Variants in GTF2A1 observed in about 807,000 individuals in gnomAD.
GTF2A1 encodes general transcription factor IIA subunit 1.
A neutral mutation model predicts 54.1 loss-of-function variants in GTF2A1; 12 were observed. The observed-to-expected ratio is 0.22, with a 90% CI of 0.14 to 0.36. The LOEUF (loss-of-function observed/expected upper bound fraction) is 0.36, where lower values mean the gene tolerates loss of function less well. GTF2A1 is among the 10% of genes least tolerant of loss of function. The pLI, the probability that GTF2A1 is intolerant of heterozygous loss-of-function variation, is 1.00. For missense variants in GTF2A1, 335 were observed against 442.2 expected (o/e 0.76, Z 2.17); for synonymous variants, 145 against 152.0 (o/e 0.95, Z 0.34).
intron 2 of GTF2A1, among the ~76,000 whole-genome samples, chr14:81,204,839 G>C (rs935066868): frequency 1.3e-5 from 2 of 152,174 alleles, no homozygotes; most frequent in African/African-American, 4.8e-5. Flanking sequence ...GAAAACATGT[G>C]CAACGATTTC....
chr14:81,199,581 G>A (rs1595219073), intron 4 of GTF2A1, among the ~76,000 whole-genome samples: 1 of 151,980 alleles, frequency 6.6e-6, no homozygotes, highest in Non-Finnish European at 1.5e-5. Flanking sequence ...CACTTTTATT[G>A]GTACAGAGCC....
At chr14:81,196,908 T>C (rs1893004952) in intron 5 of GTF2A1, among the ~76,000 whole-genome samples, 1 of 152,198 alleles carries the variant, frequency 6.6e-6, no homozygotes, top group South Asian at 2.1e-4. Context: ...AATAACTATA[T>C]AATCAAGATT....
At chr14:81,204,253 T>A in intron 2 of GTF2A1, 149 bp from the exon 3 acceptor site, 1 of 776,700 alleles carries the variant, frequency 1.3e-6, no homozygotes, top group Non-Finnish European at 2.3e-6. Context: ...CTAACCCAAG[T>A]GAAACAATAA....
chr14:81,214,444 G>A (rs1001195614), intron 2 of GTF2A1, among the ~76,000 whole-genome samples: 2 of 152,024 alleles, frequency 1.3e-5, no homozygotes, highest in African/African-American at 2.4e-5. Context: ...AGGAGATCGA[G>A]ACCATCCTGG....
At chr14:81,210,770 T>C (rs1337132019) in intron 2 of GTF2A1, among the ~76,000 whole-genome samples, 1 of 152,006 alleles carries the variant, frequency 6.6e-6, no homozygotes, top group Non-Finnish European at 1.5e-5. Flanking sequence ...GGCCAGGCTG[T>C]TCTCAAACTC....
chr14:81,208,187 C>A (rs571703395), intron 2 of GTF2A1, among the ~76,000 whole-genome samples: 5 of 152,238 alleles, frequency 3.3e-5, no homozygotes, highest in Non-Finnish European at 5.9e-5. Flanking sequence ...GTTTCAGGGG[C>A]CAGGCCCAGG....
Position 81,216,480 on chromosome 14 carries a change from A to G in GTF2A1, c.65T>C (p.Ile22Thr). 3 of 1,532,014 alleles carry G rather than the reference A, an allele frequency of 2.0e-6. No homozygotes were observed. Among genetic ancestry groups the G allele is most frequent in the Non-Finnish European group, 2.7e-6 (3 of 1,105,384 alleles). 94.9% of individuals were successfully genotyped at this position (1,532,014 alleles called of 1,614,324 possible). A position where few individuals can be genotyped will look rare whatever the true frequency, so the allele number is the denominator to read the frequency against. ...CAGAAAGATGTCTCTCACATCATTA[A>G]TGACATCTTCAATCACAGATCTGTA... ...KLYRSVIEDV[I>T]NDVRDIFLDD... The change falls in exon 2 of 9, where the codon ATT (isoleucine) becomes ACT (threonine). Residue 22 changes from isoleucine (I) to threonine (T), a missense_variant. Physicochemically the swap from Ile to Thr is moderately conservative, Grantham distance 89 (BLOSUM62 -1). This residue lies in a region of GTF2A1 where 306 missense variants were observed against 360.4 expected (regional missense o/e 0.85). Coordinates refer to ENST00000553612, the MANE Select transcript of GTF2A1 (RefSeq NM_015859.4).
intron 2 of GTF2A1, among the ~76,000 whole-genome samples, chr14:81,207,356 G>T (rs1053521288): frequency 6.6e-6 from 1 of 152,042 alleles, no homozygotes; most frequent in African/African-American, 2.4e-5. Flanking sequence ...GCTTTTGCTT[G>T]TTCCTCATTT....
rs1326262236 is a variant in GTF2A1 at position 81,201,864 on chromosome 14, T to TA, written c.338-207dup. 3.9e-5 allele frequency among the ~76,000 whole-genome samples: 6 copies of TA among 152,090 alleles called. No individual in the cohort carries two copies. The East Asian group carries it at 1.2e-3, about 29-fold the overall frequency. On this transcript the variant is annotated intron_variant, in intron 3 of 8. Coordinates refer to ENST00000553612, the MANE Select transcript of GTF2A1 (RefSeq NM_015859.4). The stretch of plus-strand genomic sequence containing the variant: ...ATACCCACCCTATACTAGAAAACAT[T>TA]AAAAAATATTTAAGCCCAGGCGTGG...
chr14:81,207,126 T>TCTAC (rs1299748756), intron 2 of GTF2A1, among the ~76,000 whole-genome samples: 7 of 141,414 alleles, frequency 4.9e-5, no homozygotes, highest in Admixed American at 3.7e-4. Context: ...TATCTATCTA[T>TCTAC]CTACCTACCT....
At chr14:81,209,574 A>T (rs1445536712) in intron 2 of GTF2A1, among the ~76,000 whole-genome samples, 1 of 152,128 alleles carries the variant, frequency 6.6e-6, no homozygotes, top group Non-Finnish European at 1.5e-5. Flanking sequence ...AAAATCCAAA[A>T]ATCTGCATTT....
intron 2 of GTF2A1, among the ~76,000 whole-genome samples, chr14:81,212,236 T>C (rs914794363): frequency 1.3e-5 from 2 of 152,194 alleles, no homozygotes; most frequent in African/African-American, 4.8e-5. Flanking sequence ...TCTCCCACAG[T>C]ACTTGACATT....
chr14:81,196,220 C>G lies in GTF2A1; in HGVS notation c.500G>C (p.Arg167Thr). 6.2e-7 allele frequency: 1 copy of G among 1,614,146 alleles called. No homozygotes were observed. Among genetic ancestry groups the G allele is most frequent in the East Asian group, 2.2e-5 (1 of 44,886 alleles). The change falls in exon 6 of 9, where the codon AGA (arginine) becomes ACA (threonine). Residue 167 changes from arginine (R) to threonine (T), a missense_variant. Transcript: ENST00000553612. Reference protein sequence around the residue: ...TNSGQLLQVVRAANGAQYIFQ... With the variant: ...TNSGQLLQVVTAANGAQYIFQ... Reference sequence around the variant, plus strand: ...GATATATTGGGCACCATTGGCTGCTCTGACCACCTGAAGAAGCTGGCCTAA... The same window carrying G: ...GATATATTGGGCACCATTGGCTGCTGTGACCACCTGAAGAAGCTGGCCTAA...
At chr14:81,184,727 T>C (rs1595207408) in intron 8 of GTF2A1, among the ~76,000 whole-genome samples, 1 of 152,162 alleles carries the variant, frequency 6.6e-6, no homozygotes, top group Admixed American at 6.5e-5. Context: ...CCTAGAATAG[T>C]GTCTGGTAAA....
chr14:81,190,734 G>C (rs569151449), intron 7 of GTF2A1, among the ~76,000 whole-genome samples: 33 of 152,042 alleles, frequency 2.2e-4, no homozygotes, highest in African/African-American at 6.3e-4. Flanking sequence ...TTCAGTTTAA[G>C]AAGAAGAGAA....
intron 1 of GTF2A1, among the ~76,000 whole-genome samples, chr14:81,219,697 G>T (rs905947885): frequency 2.0e-5 from 3 of 152,190 alleles, no homozygotes; most frequent in Admixed American, 2.0e-4. Flanking sequence ...GACTGAAAAG[G>T]TTATTTATGT....
intron 8 of GTF2A1, 134 bp downstream of exon 8, chr14:81,185,397 G>A: frequency 2.0e-6 from 1 of 489,152 alleles, no homozygotes; most frequent in Non-Finnish European, 3.6e-6. Context: ...ACTCTAACAG[G>A]GTTTTCGTAC....
intron 2 of GTF2A1, among the ~76,000 whole-genome samples, chr14:81,206,670 G>A (rs551481655): frequency 6.6e-6 from 1 of 152,282 alleles, no homozygotes; most frequent in African/African-American, 2.4e-5. Context: ...GCTAAAGTGA[G>A]AACCGCTTTA....
rs546808580 is a variant in GTF2A1, at chr14:81,220,421, CCCCGCCCGG to C, written c.30+59_30+67del. The stretch of plus-strand genomic sequence containing the variant: ...GGCCGGGAGTCGCCGCCGTCCCCGC[CCCCGCCCGG>C]TCCGGCCGTTGCTGCAGCCTGAACG... On this transcript the variant is annotated intron_variant, in intron 1 of 8. Transcript: ENST00000553612. 3.5e-4 allele frequency: 406 copies of C among 1,168,888 alleles called. 3 individuals carry two copies. In the South Asian group the frequency reaches 5.9e-3, roughly 17 times the overall value. 72.4% of individuals were successfully genotyped at this position (1,168,888 alleles called of 1,614,324 possible). A position where few individuals can be genotyped will look rare whatever the true frequency, so the allele number is the denominator to read the frequency against.
Sources: gnomAD v4.1 joint callset for allele counts (sites outside exome capture counted in the v4.1 genomes callset) on GRCh38, gnomAD v4.1.1 for gene constraint, gnomAD v4.1.1 regional missense constraint, MANE v1.5 for transcripts, NCBI Gene and HGNC (gene_info 2026-07-23, HGNC 2026-07-21) for gene names.